PPFIA2: variants seen among roughly 807,000 people sequenced by gnomAD.
PPFIA2 encodes PPFI scaffold protein A2.
PPFIA2 carries 46 observed loss-of-function variants against 175.5 expected under a neutral mutation model. The observed-to-expected ratio is 0.26, with a 90% confidence interval of 0.21 to 0.34. The LOEUF (loss-of-function observed/expected upper bound fraction) is 0.34, where lower values mean the gene tolerates loss of function less well. PPFIA2 is among the 10% of genes least tolerant of loss of function. PPFIA2 has a pLI of 1.00. For missense variants in PPFIA2, 1,179 were observed against 1,506.1 expected, an observed-to-expected ratio of 0.78 and a Z score of 3.60; for synonymous variants, 568 against 511.4, an observed-to-expected ratio of 1.11 and a Z score of -1.49.
chr12:81,517,162 A>T (rs1168694871), intron 4 of PPFIA2, among the ~76,000 whole-genome samples: 1 of 149,686 alleles, frequency 6.7e-6, no homozygotes, highest in African/African-American at 2.5e-5. Flanking sequence ...AGTAGAAGAC[A>T]ACAGAATCCA....
At chr12:81,668,504 T>C (rs991689172) in intron 4 of PPFIA2, among the ~76,000 whole-genome samples, 1 of 152,066 alleles carries the variant, frequency 6.6e-6, no homozygotes, top group Admixed American at 6.6e-5. Flanking sequence ...TGGAAGTACT[T>C]GATATATTGC....
Position 81,637,236 on chromosome 12 carries a change from ATTTTTTTTTTTTTTTTTTTTTTTTTTT to A in PPFIA2, c.303+39528_303+39554del, listed in dbSNP as rs71098156. Among the ~76,000 whole-genome samples, 560 of 65,922 alleles carry A rather than the reference ATTTTTTTTTTTTTTTTTTTTTTTTTTT, an allele frequency of 8.5e-3. 8 individuals are homozygous for A. The highest frequency in any genetic ancestry group is 0.027 in the Middle Eastern group (3 of 112). The allele number at this position is 65,922 out of a possible 152,430, so 43.2% of individuals were successfully genotyped here. On this transcript the variant is annotated intron_variant, in intron 4 of 32. Coordinates refer to ENST00000549396, the MANE Select transcript of PPFIA2 (RefSeq NM_003625.5). ...AGGCATGCGCTACCACGCCAGGCTA[ATTTTTTTTTTTTTTTTTTTTTTTTTTT>A]TTTTTTTTTTTTTTTTTTTTAGTAG... is the stretch of plus-strand genomic sequence containing the variant.
At chr12:81,382,862 G>C (rs774394412) in intron 9 of PPFIA2, among the ~76,000 whole-genome samples, 1 of 152,096 alleles carries the variant, frequency 6.6e-6, no homozygotes. Context: ...GGAGCCATGA[G>C]ACTGCAGAAA....
In PPFIA2 at chr12:81,384,236, G is replaced by A; in HGVS notation, c.771C>T (p.Ser257=). ...CATCGGTTGAGTCTATAGAACCATT[G>A]GACAAACGCTGCAGAAATAGAAAAA... The part of the protein sequence containing the change: ...PGQKVHEKRL[S]NGSIDSTDET... The change falls in exon 9 of 33, where the codon TCC becomes TCT. Residue 257 remains serine, a synonymous_variant. Coordinates refer to ENST00000549396, the MANE Select transcript of PPFIA2 (RefSeq NM_003625.5). 1 of 1,542,120 alleles carries A rather than the reference G, an allele frequency of 6.5e-7. No individual in the cohort carries two copies. The highest frequency in any genetic ancestry group is 8.8e-7 in the Non-Finnish European group (1 of 1,137,780).
intron 6 of PPFIA2, among the ~76,000 whole-genome samples, chr12:81,442,881 A>AG (rs2050459895): frequency 9.1e-6 from 1 of 109,744 alleles, no homozygotes; most frequent in Non-Finnish European, 1.9e-5. Flanking sequence ...ATATATATAT[A>AG]TATATATATA....
rs2059753739 is a variant in PPFIA2 at position 81,494,140 on chromosome 12, A to G, written c.304-36274T>C. On this transcript the variant is annotated intron_variant, in intron 4 of 32. Coordinates refer to ENST00000549396, the MANE Select transcript of PPFIA2 (RefSeq NM_003625.5). ...TTTCTGCACAGCAAAAGAAACTACC[A>G]TCAGAGTGAACAGGCAACCTACAAA... is the stretch of plus-strand genomic sequence containing the variant. Among the ~76,000 whole-genome samples the G allele has an allele frequency of 3.9e-5, 6 of 152,236 alleles. No homozygotes were observed. In the South Asian group the frequency reaches 1.2e-3, roughly 32 times the overall value.
At chr12:81,295,773 A>G (rs1324188067) in intron 23 of PPFIA2, among the ~76,000 whole-genome samples, 1 of 149,992 alleles carries the variant, frequency 6.7e-6, no homozygotes, top group African/African-American at 2.5e-5. Flanking sequence ...GAAGGATCAC[A>G]TGAGGTCAGG....
intron 4 of PPFIA2, among the ~76,000 whole-genome samples, chr12:81,573,425 C>A (rs1033562044): frequency 1.3e-5 from 2 of 151,876 alleles, no homozygotes; most frequent in African/African-American, 4.8e-5. Flanking sequence ...GGAATGCTAA[C>A]CATCTATGTT....
chr12:81,425,903 A>G (rs1350801101), intron 7 of PPFIA2, among the ~76,000 whole-genome samples: 1 of 152,220 alleles, frequency 6.6e-6, no homozygotes, highest in East Asian at 1.9e-4. Context: ...AAAAATATTC[A>G]ATTAAAAAAA....
intron 22 of PPFIA2, among the ~76,000 whole-genome samples, chr12:81,312,915 T>C (rs1015009033): frequency 7.2e-5 from 11 of 152,188 alleles, no homozygotes; most frequent in African/African-American, 2.7e-4. Context: ...TCGGTGGCCA[T>C]ATTACTTCCT....
chr12:81,351,738 TA>T (rs780957364), intron 17 of PPFIA2, among the ~76,000 whole-genome samples: 3,260 of 92,318 alleles, frequency 0.035, 111 homozygotes, highest in African/African-American at 0.1. Context: ...TACAAAAAAT[TA>T]AAAAAAAAAA....
At chr12:81,738,545 C>T (rs1203644424) in intron 3 of PPFIA2, among the ~76,000 whole-genome samples, 1 of 151,400 alleles carries the variant, frequency 6.6e-6, no homozygotes, top group East Asian at 2.0e-4. Context: ...GGAAAGTATA[C>T]ATTAACATTA....
chr12:81,281,594 C>T (rs1044410394), intron 26 of PPFIA2, 144 bp from the exon 27 acceptor site: 17 of 528,020 alleles, frequency 3.2e-5, no homozygotes, highest in Admixed American at 2.3e-4. Flanking sequence ...GCATTTGATT[C>T]GATTTGGTAT....
intron 31 of PPFIA2, 128 bp downstream of exon 31, chr12:81,263,103 G>T: frequency 4.3e-6 from 4 of 936,132 alleles, no homozygotes; most frequent in South Asian, 1.9e-5. Context: ...TGTGATGAGA[G>T]CAAAGTAAAT....
At position 81,267,018 on chromosome 12, in the gene PPFIA2, T is replaced by A. The variant is rs2037452325; in HGVS notation, c.3489A>T (p.Ala1163=). The change falls in exon 30 of 33, where the codon GCA becomes GCT. Residue 1163 remains alanine (A), a splice_region_variant and synonymous_variant. Transcript: ENST00000549396. The part of the protein sequence containing the change: ...LLQIPTQNTQ[A]RQILEREYNN... ...TGTATTCTCTTTCAAGAATCTGCCTTGCCTGTTGACGTCAAATTACAGTTA... is the reference window on the plus strand; with the variant it reads ...TGTATTCTCTTTCAAGAATCTGCCTAGCCTGTTGACGTCAAATTACAGTTA... The A allele has an allele frequency of 6.2e-7, 1 of 1,612,024 alleles. No individual in the cohort carries two copies. The highest frequency in any genetic ancestry group is 1.7e-5 in the Admixed American group (1 of 59,898).
At chr12:81,666,977 T>C (rs1352965797) in intron 4 of PPFIA2, among the ~76,000 whole-genome samples, 1 of 152,090 alleles carries the variant, frequency 6.6e-6, no homozygotes, top group Non-Finnish European at 1.5e-5. Flanking sequence ...CACAATATTG[T>C]ATACTTTCTA....
chr12:81,453,930 T>C (rs1376362858), intron 5 of PPFIA2, among the ~76,000 whole-genome samples: 1 of 152,098 alleles, frequency 6.6e-6, no homozygotes, highest in Non-Finnish European at 1.5e-5. Flanking sequence ...TACAAAAATT[T>C]AAATAGGCCA....
intron 22 of PPFIA2, among the ~76,000 whole-genome samples, chr12:81,301,718 AC>A (rs1307700567): frequency 6.6e-6 from 1 of 151,920 alleles, no homozygotes; most frequent in Non-Finnish European, 1.5e-5. Context: ...AACAACCCAG[AC>A]CTCTTTTCTG....
chr12:81,417,147 G>C (rs2045428407), intron 7 of PPFIA2: 1 of 151,538 alleles, frequency 6.6e-6, no homozygotes, highest in Non-Finnish European at 1.5e-5. Context: ...TATTCCATTT[G>C]CTTTCGGGAA....
Sources: allele counts gnomAD v4.1 joint callset (sites outside exome capture counted in the v4.1 genomes callset), GRCh38; gene constraint gnomAD v4.1.1; transcripts MANE v1.5; gene names NCBI Gene and HGNC (gene_info 2026-07-23, HGNC 2026-07-21).